NKAIN3: variants seen among roughly 807,000 people sequenced by gnomAD.
The protein encoded by NKAIN3 is sodium/potassium transporting ATPase interacting 3.
Under a neutral mutation model 30.2 loss-of-function variants are expected in NKAIN3, and 25 were observed. The ratio of observed to expected loss-of-function variants is 0.83; its 90% confidence interval spans 0.60 to 1.16. The LOEUF (loss-of-function observed/expected upper bound fraction) is 1.16, where lower values mean the gene tolerates loss of function less well. Among genes scored for constraint, NKAIN3 ranks in the 50% most tolerant of loss-of-function variants. NKAIN3 has a pLI of 0.00. For synonymous variants in NKAIN3, 91 were observed against 89.6 expected, an observed-to-expected ratio of 1.02 and a Z score of -0.09; for missense variants, 225 against 254.1, an observed-to-expected ratio of 0.89 and a Z score of 0.78.
At chr8:62,584,438 C>A (rs1485562142) in intron 2 of NKAIN3, among the ~76,000 whole-genome samples, 1 of 152,174 alleles carries the variant, frequency 6.6e-6, no homozygotes, top group Non-Finnish European at 1.5e-5. Flanking sequence ...AATTGATCAC[C>A]TTTATGAAAA....
intron 4 of NKAIN3, among the ~76,000 whole-genome samples, chr8:62,826,961 G>A (rs1269271894): frequency 1.3e-5 from 2 of 152,168 alleles, no homozygotes; most frequent in Non-Finnish European, 2.9e-5. Flanking sequence ...TAAGAGTGTG[G>A]AAAGGAAATT....
At chr8:62,986,909 A>T (rs1585646951), downstream of NKAIN3, among the ~76,000 whole-genome samples, 2 of 152,222 alleles carry the variant, frequency 1.3e-5, no homozygotes, top group Admixed American at 6.5e-5. Context: ...ATAGGTTATC[A>T]GCCTTGTCTC....
chr8:62,976,779 G>A lies in NKAIN3; in HGVS notation c.*11372G>A, dbSNP rs943767648. Among the ~76,000 whole-genome samples, 6 of 152,140 alleles carry A rather than the reference G, an allele frequency of 3.9e-5. No individual in the cohort carries two copies. The highest frequency in any genetic ancestry group is 1.4e-4 in the African/African-American group (6 of 41,434). ...GTTGATGCAGCTTCTTCATAGTGTC[G>A]ATGGTCTTTACATTTTGGAATGTTT... On this transcript the variant is annotated 3_prime_UTR_variant, in exon 7 of 7. Coordinates refer to ENST00000623646, the MANE Select transcript of NKAIN3 (RefSeq NM_001304533.3).
chr8:62,527,545 G>A (rs780194775), intron 1 of NKAIN3, among the ~76,000 whole-genome samples: 5 of 152,176 alleles, frequency 3.3e-5, no homozygotes, highest in East Asian at 1.9e-4. Flanking sequence ...CACACATTCC[G>A]ATATAATTAG....
chr8:62,734,719 A>G (rs1815593210), intron 3 of NKAIN3, among the ~76,000 whole-genome samples: 2 of 152,210 alleles, frequency 1.3e-5, no homozygotes, highest in African/African-American at 4.8e-5. Flanking sequence ...AATGTCAAAA[A>G]CTGCTGAAAG....
intron 3 of NKAIN3, among the ~76,000 whole-genome samples, chr8:62,672,019 T>C (rs1044422309): frequency 2.0e-5 from 3 of 152,118 alleles, no homozygotes; most frequent in African/African-American, 7.2e-5. Context: ...GTGTAGGTCA[T>C]GTGTCCCATC....
chr8:62,754,420 A>G (rs1029405435), intron 4 of NKAIN3, among the ~76,000 whole-genome samples: 2 of 152,092 alleles, frequency 1.3e-5, no homozygotes, highest in Non-Finnish European at 2.9e-5. Context: ...TTTTATAACT[A>G]GTAGAAAAAT....
At chr8:62,416,049 C>T (rs1296687796) in intron 1 of NKAIN3, among the ~76,000 whole-genome samples, 2 of 152,146 alleles carry the variant, frequency 1.3e-5, no homozygotes, top group Admixed American at 6.5e-5. Flanking sequence ...AGCCACCACG[C>T]CTGGCCTAAG....
intron 3 of NKAIN3, among the ~76,000 whole-genome samples, chr8:62,684,223 A>T (rs1488595675): frequency 1.3e-5 from 2 of 151,978 alleles, no homozygotes; most frequent in Non-Finnish European, 2.9e-5. Flanking sequence ...ATCTCTCCCC[A>T]GTGTTTTCAT....
At chr8:62,865,190 G>C (rs1268194353) in intron 4 of NKAIN3, among the ~76,000 whole-genome samples, 1 of 152,166 alleles carries the variant, frequency 6.6e-6, no homozygotes, top group Non-Finnish European at 1.5e-5. Flanking sequence ...GAGAAGTATG[G>C]CTGGCCCCAT....
intron 1 of NKAIN3, among the ~76,000 whole-genome samples, chr8:62,336,746 C>G (rs1272094165): frequency 6.6e-6 from 1 of 151,996 alleles, no homozygotes; most frequent in East Asian, 1.9e-4. Context: ...TAAAAAACAG[C>G]CTGAGCTTGA....
chr8:62,953,078 TG>T (rs772036696), intron 5 of NKAIN3, among the ~76,000 whole-genome samples: 1 of 152,124 alleles, frequency 6.6e-6, no homozygotes, highest in Non-Finnish European at 1.5e-5. Context: ...GGAAAATATT[TG>T]GGCTAAAATA....
chr8:62,722,090 A>C lies in NKAIN3; in HGVS notation c.274-24842A>C, dbSNP rs1815111748. The stretch of plus-strand genomic sequence containing the variant: ...TTTGGGGAGAAAAGAGGATGTTTTA[A>C]GATTAGCCACTATCAGTAAGGAGAA... On this transcript the variant is annotated intron_variant, in intron 3 of 6. Coordinates refer to ENST00000623646, the MANE Select transcript of NKAIN3 (RefSeq NM_001304533.3). Among the ~76,000 whole-genome samples, 3 of 152,224 alleles carry C rather than the reference A, an allele frequency of 2.0e-5. No individual in the cohort carries two copies. In the South Asian group the frequency reaches 6.2e-4, roughly 32 times the overall value.
intron 2 of NKAIN3, among the ~76,000 whole-genome samples, chr8:62,582,610 T>G (rs536298056): frequency 5.9e-5 from 9 of 152,174 alleles, no homozygotes; most frequent in African/African-American, 1.9e-4. Flanking sequence ...AAGGGGGGTC[T>G]GGGCCGGAGG....
At chr8:62,950,628 T>G (rs1048849397) in intron 5 of NKAIN3, among the ~76,000 whole-genome samples, 1 of 151,824 alleles carries the variant, frequency 6.6e-6, no homozygotes, top group Non-Finnish European at 1.5e-5. Context: ...CAAGTAACAG[T>G]TTAAAAAGAA....
At chr8:62,353,003 G>A (rs1034685925) in intron 1 of NKAIN3, among the ~76,000 whole-genome samples, 7 of 152,162 alleles carry the variant, frequency 4.6e-5, no homozygotes, top group African/African-American at 7.2e-5. Context: ...CTTGTTACTT[G>A]ATCAGTAATA....
chr8:62,487,673 T>C (rs893494504), intron 1 of NKAIN3, among the ~76,000 whole-genome samples: 2 of 152,146 alleles, frequency 1.3e-5, no homozygotes, highest in African/African-American at 4.8e-5. Flanking sequence ...ACAAAATTGT[T>C]GAAAATTCAA....
chr8:62,869,717 T>C (rs1272786658), intron 4 of NKAIN3, among the ~76,000 whole-genome samples: 1 of 152,124 alleles, frequency 6.6e-6, no homozygotes, highest in Non-Finnish European at 1.5e-5. Context: ...GGCCTCAGAC[T>C]GAGGGCGGCA....
chr8:62,325,925 T>C (rs1815105496), intron 1 of NKAIN3, among the ~76,000 whole-genome samples: 1 of 151,958 alleles, frequency 6.6e-6, no homozygotes, highest in Admixed American at 6.6e-5. Context: ...GGATGCGTGG[T>C]TTGCAAAAAT....
Sources: allele counts gnomAD v4.1 joint callset (sites outside exome capture counted in the v4.1 genomes callset), GRCh38; gene constraint gnomAD v4.1.1; transcripts MANE v1.5; gene names NCBI Gene and HGNC (gene_info 2026-07-23, HGNC 2026-07-21).